Variants in PTPN14 observed in about 807,000 individuals in gnomAD.
PTPN14 encodes protein tyrosine phosphatase non-receptor type 14, also known as tyrosine-protein phosphatase non-receptor type 14.
Under a neutral mutation model 126.8 loss-of-function variants are expected in PTPN14, and 53 were observed. That is an observed-to-expected ratio of 0.42 (90% CI 0.34 to 0.53). The LOEUF (loss-of-function observed/expected upper bound fraction) is 0.53. Among genes scored for constraint, PTPN14 ranks in the 20% least tolerant of loss-of-function variants. The pLI, the probability that PTPN14 is intolerant of heterozygous loss-of-function variation, is 0.08. For missense variants in PTPN14, 1,257 were observed against 1,552.9 expected, an observed-to-expected ratio of 0.81 and a Z score of 3.20; for synonymous variants, 630 against 599.3, an observed-to-expected ratio of 1.05 and a Z score of -0.75.
intron 1 of PTPN14, among the ~76,000 whole-genome samples, chr1:214,503,814 G>T (rs894747218): frequency 1.3e-5 from 2 of 152,170 alleles, no homozygotes; most frequent in African/African-American, 2.4e-5. Context: ...AAACACACCC[G>T]ACATCACCTA....
intron 1 of PTPN14, among the ~76,000 whole-genome samples, chr1:214,490,848 A>AGAAGGGAGG (rs1558127011): frequency 3.1e-5 from 1 of 32,650 alleles, no homozygotes; most frequent in East Asian, 1.8e-3. Flanking sequence ...AGGAAAGGAA[A>AGAAGGGAGG]GGAAGGGAAG....
intron 13 of PTPN14, among the ~76,000 whole-genome samples, chr1:214,382,793 T>C (rs1403322024): frequency 6.6e-6 from 1 of 152,250 alleles, no homozygotes; most frequent in Non-Finnish European, 1.5e-5. Flanking sequence ...AAGTTATATA[T>C]CCAATTACTA....
At chr1:214,544,906 A>T (rs987264806) in intron 1 of PTPN14, among the ~76,000 whole-genome samples, 6 of 152,098 alleles carry the variant, frequency 3.9e-5, no homozygotes, top group Non-Finnish European at 7.4e-5. Flanking sequence ...AAGAAAGGAA[A>T]GGAAAGGAAG....
rs1204997991 is a variant in PTPN14 at position 214,452,021 on chromosome 1, T to C, written c.175-47A>G. On this transcript the variant is annotated intron_variant, in intron 2 of 18. Transcript: ENST00000366956. The stretch of plus-strand genomic sequence containing the variant: ...CATCAGTTCATGCTCACCACAAGCA[T>C]CCCAAGGCCACACAAGAAACGAGAC... 5 of 1,562,044 alleles carry C rather than the reference T, an allele frequency of 3.2e-6. No homozygotes were observed. In the African/African-American group the frequency reaches 6.8e-5, roughly 21 times the overall value.
chr1:214,495,541 A>T (rs768906100), intron 1 of PTPN14, among the ~76,000 whole-genome samples: 12 of 152,224 alleles, frequency 7.9e-5, no homozygotes, highest in Non-Finnish European at 8.8e-5. Context: ...AGAGTCTAAA[A>T]AAATAGTGTT....
intron 3 of PTPN14, among the ~76,000 whole-genome samples, chr1:214,432,181 A>T (rs1394086767): frequency 7.5e-6 from 1 of 133,942 alleles, no homozygotes; most frequent in Admixed American, 7.5e-5. Context: ...AAAGAACAAG[A>T]CCCTGTCTCA....
At chr1:214,472,777 C>T (rs957226493) in intron 1 of PTPN14, among the ~76,000 whole-genome samples, 1 of 152,150 alleles carries the variant, frequency 6.6e-6, no homozygotes, top group Non-Finnish European at 1.5e-5. Context: ...AGAACATTCC[C>T]ACCACCCAAG....
chr1:214,431,788 A>C (rs1659802681), intron 3 of PTPN14, among the ~76,000 whole-genome samples: 1 of 152,190 alleles, frequency 6.6e-6, no homozygotes, highest in South Asian at 2.1e-4. Flanking sequence ...TAACTCAAAA[A>C]GTTGTTACAA....
Position 214,355,737 on chromosome 1 carries a change from T to G in PTPN14, c.*2185A>C, listed in dbSNP as rs1326745722. On this transcript the variant is annotated 3_prime_UTR_variant, in exon 19 of 19. Transcript: ENST00000366956. Reference sequence around the variant, plus strand: ...ACAGAGGATTCCTATTCCGAAGAACTTAATGGGGAATATATACCTGTTGGC... The same window carrying G: ...ACAGAGGATTCCTATTCCGAAGAACGTAATGGGGAATATATACCTGTTGGC... The G allele has an allele frequency of 1.3e-5, 2 of 152,108 alleles. No individual in the cohort carries two copies. The highest frequency in any genetic ancestry group is 4.2e-4 in the South Asian group (2 of 4,816). The allele number at this position is 152,108 out of a possible 1,614,324, so 9.4% of individuals were successfully genotyped here.
intron 1 of PTPN14, among the ~76,000 whole-genome samples, chr1:214,527,219 G>C (rs983407369): frequency 3.9e-5 from 6 of 152,238 alleles, no homozygotes; most frequent in African/African-American, 1.4e-4. Flanking sequence ...AGACCAGATG[G>C]TAAAGGACAT....
At chr1:214,421,982 C>T (rs1052843604) in intron 3 of PTPN14, among the ~76,000 whole-genome samples, 3 of 152,214 alleles carry the variant, frequency 2.0e-5, no homozygotes, top group Non-Finnish European at 4.4e-5. Context: ...GCCTCCCCAA[C>T]TCTGTCGTGA....
At chr1:214,538,141 C>T (rs1655752274) in intron 1 of PTPN14, among the ~76,000 whole-genome samples, 2 of 152,140 alleles carry the variant, frequency 1.3e-5, no homozygotes, top group Admixed American at 6.6e-5. Context: ...AGAAAAACAT[C>T]TCCACTTTCG....
chr1:214,364,399 T>C lies in PTPN14; in HGVS notation c.3435+113A>G, dbSNP rs1658025412. The C allele has an allele frequency of 5.8e-6, 8 of 1,372,582 alleles. No homozygotes were observed. The highest frequency in any genetic ancestry group is 7.9e-6 in the Non-Finnish European group (8 of 1,013,938). 85.0% of individuals were successfully genotyped at this position (1,372,582 alleles called of 1,614,324 possible). ...GAACCAGGAGCCTGGAAAACTCTGGTTGGGAGACAGGAAATTAACCACTGA... is the reference window on the plus strand; with the variant it reads ...GAACCAGGAGCCTGGAAAACTCTGGCTGGGAGACAGGAAATTAACCACTGA... On this transcript the variant is annotated intron_variant, in intron 18 of 18. Transcript: ENST00000366956. The surrounding 1 kb of genome is among the most constrained non-coding windows in gnomAD (Gnocchi z 4.1).
rs1658573605 is a variant in PTPN14 at position 214,384,922 on chromosome 1, G to C, written c.1067-134C>G. The stretch of plus-strand genomic sequence containing the variant: ...GAAATCCCATGGTCTCCACCCACAT[G>C]TTCTATAGAATAACAGATACTATCT... On this transcript the variant is annotated intron_variant, in intron 12 of 18. Transcript: ENST00000366956. This position sits in a 1 kb window ranked among gnomAD's most constrained non-coding sequence, Gnocchi z 5.3. The C allele has an allele frequency of 9.8e-7, 1 of 1,023,376 alleles. No individual in the cohort carries two copies. The highest frequency in any genetic ancestry group is 1.4e-6 in the Non-Finnish European group (1 of 709,418). 63.4% of individuals were successfully genotyped at this position (1,023,376 alleles called of 1,614,324 possible). A position where few individuals can be genotyped will look rare whatever the true frequency, so the allele number is the denominator to read the frequency against.
chr1:214,527,426 G>A (rs1437911795), intron 1 of PTPN14, among the ~76,000 whole-genome samples: 1 of 151,968 alleles, frequency 6.6e-6, no homozygotes, highest in Non-Finnish European at 1.5e-5. Flanking sequence ...TAGTATCTGG[G>A]GAAATCACTT....
intron 3 of PTPN14, among the ~76,000 whole-genome samples, chr1:214,433,678 G>T (rs955511530): frequency 6.6e-6 from 1 of 151,988 alleles, no homozygotes; most frequent in African/African-American, 2.4e-5. Context: ...TATACGTCCA[G>T]TTCCCAGCAC....
intron 5 of PTPN14, among the ~76,000 whole-genome samples, chr1:214,405,883 A>T (rs77689971): frequency 0.019 from 2,907 of 152,246 alleles, 98 homozygotes; most frequent in African/African-American, 0.063. Flanking sequence ...AAAGGTTAAA[A>T]AACTTGCCCA....
At chr1:214,381,474 A>G (rs148060242) in intron 13 of PTPN14, among the ~76,000 whole-genome samples, 26 of 152,340 alleles carry the variant, frequency 1.7e-4, no homozygotes, top group African/African-American at 6.0e-4. Context: ...AGGCAAAGGT[A>G]CACCTTGCAC....
intron 14 of PTPN14, 21 bp from the exon 15 acceptor site, chr1:214,376,458 CA>C (rs770018371): frequency 6.3e-7 from 1 of 1,580,416 alleles, no homozygotes; most frequent in African/African-American, 1.4e-5. Flanking sequence ...AATTGATCTT[CA>C]GCTCTCTAAA....
Sources: gnomAD v4.1 joint callset for allele counts (sites outside exome capture counted in the v4.1 genomes callset) on GRCh38, gnomAD v4.1.1 for gene constraint, Gnocchi (gnomAD v3.1) non-coding constraint, MANE v1.5 for transcripts, NCBI Gene and HGNC (gene_info 2026-07-23, HGNC 2026-07-21) for gene names.